MTMR3: variants seen among roughly 807,000 people sequenced by gnomAD.
MTMR3 encodes the protein phosphatidylinositol-3,5-bisphosphate 3-phosphatase MTMR3.
A neutral mutation model predicts 132.4 loss-of-function variants in MTMR3; 32 were observed. That is an observed-to-expected ratio of 0.24 (90% confidence interval 0.18 to 0.32). MTMR3 has a LOEUF of 0.32. Ranked by LOEUF, MTMR3 falls within the 10% of genes least tolerant of loss-of-function variation. The pLI, the probability that MTMR3 is intolerant of heterozygous loss-of-function variation, is 1.00. For synonymous variants in MTMR3, 556 were observed against 550.3 expected, an observed-to-expected ratio of 1.01 and a Z score of -0.14; for missense variants, 1,216 against 1,489.6, an observed-to-expected ratio of 0.82 and a Z score of 3.02.
At chr22:30,012,654 G>A (rs555672892) in intron 13 of MTMR3, 91 bp downstream of exon 13, 7 of 1,318,514 alleles carry the variant, frequency 5.3e-6, no homozygotes, top group Admixed American at 5.0e-5. Context: ...TGGTGATTCG[G>A]TTAAAGAAAG....
At chr22:29,951,222 T>C (rs2066072983) in intron 1 of MTMR3, among the ~76,000 whole-genome samples, 1 of 152,184 alleles carries the variant, frequency 6.6e-6, no homozygotes, top group Non-Finnish European at 1.5e-5. Context: ...ACATATACTT[T>C]TATATTCATT....
chr22:29,899,097 A>G (rs1364769812), intron 1 of MTMR3, among the ~76,000 whole-genome samples: 10 of 152,142 alleles, frequency 6.6e-5, no homozygotes, highest in Admixed American at 6.5e-4. Context: ...AATTACTTAC[A>G]TTTATAGCAT....
intron 1 of MTMR3, among the ~76,000 whole-genome samples, chr22:29,939,250 G>A (rs2065808970): frequency 6.6e-6 from 1 of 152,116 alleles, no homozygotes; most frequent in Non-Finnish European, 1.5e-5. Flanking sequence ...CTAACTTAAG[G>A]TCTGGTTAAG....
At chr22:29,906,123 C>T (rs73396827) in intron 1 of MTMR3, among the ~76,000 whole-genome samples, 5,621 of 152,050 alleles carry the variant, frequency 0.037, 370 homozygotes, top group African/African-American at 0.13. Context: ...GCCAGGTAAC[C>T]GGGACTAGGT....
At chr22:30,011,925 T>TTTTTC (rs542609081) in intron 12 of MTMR3, 79 of 152,316 alleles carry the variant, frequency 5.2e-4, no homozygotes, top group Non-Finnish European at 9.8e-4. Context: ...TATTCATGAG[T>TTTTTC]TTTTCTTTTC....
chr22:29,930,891 C>T (rs1366834517), intron 1 of MTMR3, among the ~76,000 whole-genome samples: 1 of 151,112 alleles, frequency 6.6e-6, no homozygotes, highest in Non-Finnish European at 1.5e-5. Context: ...TGAATAGTGC[C>T]AGCTACTCAG....
At position 30,017,932 on chromosome 22, in the gene MTMR3, G is replaced by C. The variant is rs1298527302; in HGVS notation, c.1680G>C (p.Leu560=). Residue 560 remains leucine, a synonymous_variant, in exon 16 of 20, where the codon CTG becomes CTC. Coordinates refer to ENST00000401950, the MANE Select transcript of MTMR3 (RefSeq NM_021090.4). The part of the protein sequence containing the change: ...LLYSSQSEAV[L]YPVCHVRNLM... ...GTGTCCTCCCCCCTCCTCAGGTGCT[G>C]TACCCTGTGTGCCATGTGCGTAACC... 6.2e-7 allele frequency: 1 copy of C among 1,613,142 alleles called. No individual in the cohort carries two copies. Among genetic ancestry groups the C allele is most frequent in the Admixed American group, 1.7e-5 (1 of 59,846 alleles).
intron 1 of MTMR3, among the ~76,000 whole-genome samples, chr22:29,939,023 T>C (rs2065804900): frequency 1.3e-5 from 2 of 151,882 alleles, no homozygotes; most frequent in African/African-American, 4.8e-5. Context: ...GGTTTCACCA[T>C]ATTGGCCAGG....
intron 17 of MTMR3, 178 bp from the exon 18 acceptor site, chr22:30,021,850 GC>G (rs1452154714): frequency 3.8e-5 from 23 of 605,688 alleles, no homozygotes; most frequent in Non-Finnish European, 6.8e-5. Context: ...TCCCAGCTGA[GC>G]CCAGGCCCAC....
chr22:29,950,577 C>T (rs768222644), intron 1 of MTMR3, among the ~76,000 whole-genome samples: 2 of 151,812 alleles, frequency 1.3e-5, no homozygotes, highest in South Asian at 2.1e-4. Flanking sequence ...TTAGTCAGGC[C>T]GGTCTCAAAC....
intron 1 of MTMR3, among the ~76,000 whole-genome samples, chr22:29,891,874 G>T (rs999037946): frequency 2.0e-5 from 3 of 151,786 alleles, no homozygotes; most frequent in South Asian, 2.1e-4. Flanking sequence ...CCCATGCTAG[G>T]CTGGGCGCGG....
chr22:29,938,343 A>G (rs1402571398), intron 1 of MTMR3, among the ~76,000 whole-genome samples: 3 of 152,124 alleles, frequency 2.0e-5, no homozygotes, highest in African/African-American at 7.2e-5. Context: ...TGAGTTTATA[A>G]TTTTCGCTTT....
chr22:29,934,981 A>G (rs1190338194), intron 1 of MTMR3, among the ~76,000 whole-genome samples: 2 of 152,346 alleles, frequency 1.3e-5, no homozygotes, highest in South Asian at 2.1e-4. Context: ...ATATTTTTCT[A>G]TTATAGTATT....
intron 13 of MTMR3, 23 bp downstream of exon 13, chr22:30,012,586 G>T: frequency 6.4e-7 from 1 of 1,569,410 alleles, no homozygotes; most frequent in Non-Finnish European, 8.6e-7. Context: ...AAATGGGAGG[G>T]GTTGGTACTT....
chr22:29,971,739 G>C (rs1438892114), intron 3 of MTMR3, among the ~76,000 whole-genome samples: 1 of 151,846 alleles, frequency 6.6e-6, no homozygotes, highest in African/African-American at 2.4e-5. Context: ...AATGACTTAC[G>C]GGCCATTTCG....
At chr22:29,921,207 G>T (rs1405818439) in intron 1 of MTMR3, among the ~76,000 whole-genome samples, 1 of 152,130 alleles carries the variant, frequency 6.6e-6, no homozygotes, top group Non-Finnish European at 1.5e-5. Context: ...AGTCACGTTG[G>T]AAGGTGAAGG....
intron 2 of MTMR3, among the ~76,000 whole-genome samples, chr22:29,965,329 G>A (rs1401595199): frequency 6.6e-6 from 1 of 151,920 alleles, no homozygotes; most frequent in Non-Finnish European, 1.5e-5. Flanking sequence ...TTATTTCTGG[G>A]TGAAGACTAT....
chr22:29,941,214 AT>A (rs1393661103), intron 1 of MTMR3, among the ~76,000 whole-genome samples: 2 of 152,176 alleles, frequency 1.3e-5, no homozygotes, highest in African/African-American at 4.8e-5. Flanking sequence ...TTTGAGACTT[AT>A]CCAGGTTGTA....
At chr22:29,981,029 CA>C (rs2066731656) in intron 5 of MTMR3, 1 of 152,232 alleles carries the variant, frequency 6.6e-6, no homozygotes, top group Admixed American at 6.5e-5. Flanking sequence ...GTTCATCTGT[CA>C]AAATTCAGTT....
Sources: gnomAD v4.1 joint callset for allele counts (sites outside exome capture counted in the v4.1 genomes callset) on GRCh38, gnomAD v4.1.1 for gene constraint, MANE v1.5 for transcripts, NCBI Gene and HGNC (gene_info 2026-07-23, HGNC 2026-07-21) for gene names.